The following CAMTA1 variants were observed in gnomAD, a reference collection of about 807,000 sequenced individuals.
The protein encoded by CAMTA1 is calmodulin-binding transcription activator 1.
Under a neutral mutation model 170.9 loss-of-function variants are expected in CAMTA1, and 27 were observed. The ratio of observed to expected loss-of-function variants is 0.16; its 90% CI spans 0.12 to 0.22. The LOEUF (loss-of-function observed/expected upper bound fraction) is 0.22. Ranked by LOEUF, CAMTA1 falls within the 10% of genes least tolerant of loss-of-function variation. CAMTA1 has a pLI of 1.00. For missense variants in CAMTA1, 1,619 were observed against 2,217.2 expected (o/e 0.73, Z 5.42); for synonymous variants, 833 against 891.5 (o/e 0.93, Z 1.17).
At chr1:7,761,150 T>C (rs976279326) in intron 22 of CAMTA1, among the ~76,000 whole-genome samples, 1 of 152,228 alleles carries the variant, frequency 6.6e-6, no homozygotes, top group African/African-American at 2.4e-5. Flanking sequence ...ATTCTCAGCC[T>C]AGAATGCTTG....
intron 5 of CAMTA1, among the ~76,000 whole-genome samples, chr1:7,356,619 C>A (rs1323102226): frequency 6.6e-6 from 1 of 152,172 alleles, no homozygotes; most frequent in Admixed American, 6.5e-5. Context: ...ACCTATGGAC[C>A]ATCAGCAGGC....
chr1:7,381,603 C>G (rs1308359004), intron 5 of CAMTA1, among the ~76,000 whole-genome samples: 2 of 151,108 alleles, frequency 1.3e-5, no homozygotes, highest in Non-Finnish European at 1.5e-5. Context: ...TGAATAGTGC[C>G]GCAATAAACA....
In CAMTA1 at chr1:7,737,317, G is replaced by C; in HGVS notation, c.3405G>C (p.Arg1135=). ...AAVVLYKWDR[R]AISIPDSLGR... ...TCGTGCTGTACAAGTGGGACCGTCGGGCCATCTCGATTCCCGACTCTCTAG... is the reference window on the plus strand; with the variant it reads ...TCGTGCTGTACAAGTGGGACCGTCGCGCCATCTCGATTCCCGACTCTCTAG... The change falls in exon 15 of 23, where the codon CGG becomes CGC. Residue 1135 remains arginine (R), a synonymous_variant. Coordinates refer to ENST00000303635, the MANE Select transcript of CAMTA1 (RefSeq NM_015215.4). 1 of 1,614,182 alleles carries C rather than the reference G, an allele frequency of 6.2e-7. No individual in the cohort carries two copies. The highest frequency in any genetic ancestry group is 8.5e-7 in the Non-Finnish European group (1 of 1,180,024).
intron 5 of CAMTA1, among the ~76,000 whole-genome samples, chr1:7,350,962 C>T (rs2084624348): frequency 6.6e-6 from 1 of 152,216 alleles, no homozygotes; most frequent in South Asian, 2.1e-4. Flanking sequence ...TCCAGGGCTT[C>T]CCGGTAGGGC....
chr1:6,844,557 G>A (rs1330855470), intron 3 of CAMTA1, among the ~76,000 whole-genome samples: 4 of 150,826 alleles, frequency 2.7e-5, no homozygotes, highest in Middle Eastern at 3.2e-3. Context: ...ATAGAGGTGC[G>A]TGCCTGTAGT....
chr1:7,468,033 A>T, intron 6 of CAMTA1, 132 bp downstream of exon 6: 1 of 738,214 alleles, frequency 1.4e-6, no homozygotes, highest in South Asian at 1.7e-5. Flanking sequence ...GCCTAGGGAG[A>T]CTTCGGCTGT....
At position 7,674,227 on chromosome 1, in the gene CAMTA1, C is replaced by G. The variant is rs533482621; in HGVS notation, c.2779+3190C>G. On this transcript the variant is annotated intron_variant, in intron 10 of 22. Transcript: ENST00000303635. The surrounding 1 kb of genome is among the most constrained non-coding windows in gnomAD (Gnocchi z 4.1). ...CAGGGTCCTGCCCTGGCAGCTCCCA[C>G]ACCGTCACAGGTGGCAGGAGACACG... Among the ~76,000 whole-genome samples, 1 of 152,342 alleles carries G rather than the reference C, an allele frequency of 6.6e-6. No homozygotes were observed. Among genetic ancestry groups the G allele is most frequent in the East Asian group, 1.9e-4 (1 of 5,164 alleles).
chr1:7,358,729 C>G lies in CAMTA1; in HGVS notation c.439-109101C>G, dbSNP rs533983213. Among the ~76,000 whole-genome samples, 5 of 152,254 alleles carry G rather than the reference C, an allele frequency of 3.3e-5. No homozygotes were observed. In the East Asian group the frequency reaches 9.6e-4, roughly 29 times the overall value. On this transcript the variant is annotated intron_variant, in intron 5 of 22. Coordinates refer to ENST00000303635, the MANE Select transcript of CAMTA1 (RefSeq NM_015215.4). ...GCCTTTTCTTGTGTGAGCCAGCCAC[C>G]CTCATGTGACTTGATAGGCACATGG...
chr1:6,912,156 G>C (rs912544780), intron 3 of CAMTA1, among the ~76,000 whole-genome samples: 1 of 152,174 alleles, frequency 6.6e-6, no homozygotes, highest in African/African-American at 2.4e-5. Flanking sequence ...CTTTACTTTT[G>C]CAGCTCAATT....
At chr1:7,059,064 G>T (rs549159524) in intron 3 of CAMTA1, among the ~76,000 whole-genome samples, 3 of 152,166 alleles carry the variant, frequency 2.0e-5, no homozygotes, top group African/African-American at 7.2e-5. Flanking sequence ...GCCACCATCC[G>T]GGTTCCTGGG....
chr1:7,075,457 A>G (rs1326336114), intron 3 of CAMTA1, among the ~76,000 whole-genome samples: 1 of 152,088 alleles, frequency 6.6e-6, no homozygotes, highest in East Asian at 1.9e-4. Context: ...TTCAGGACTC[A>G]CTGGTTACCA....
At chr1:7,677,497 C>A (rs2096134005) in intron 10 of CAMTA1, 102 bp from the exon 11 acceptor site, 3 of 1,300,036 alleles carry the variant, frequency 2.3e-6, no homozygotes, top group African/African-American at 1.5e-5. Flanking sequence ...GGACATTAAC[C>A]AATGAAGGGT....
intron 6 of CAMTA1, among the ~76,000 whole-genome samples, chr1:7,525,149 C>G (rs2094416388): frequency 6.6e-6 from 1 of 152,304 alleles, no homozygotes; most frequent in South Asian, 2.1e-4. Context: ...GCTGAGGCTC[C>G]AGGAGTTGCT....
intron 1 of CAMTA1, among the ~76,000 whole-genome samples, chr1:6,793,186 C>T (rs531024528): frequency 3.3e-5 from 5 of 152,148 alleles, no homozygotes; most frequent in South Asian, 2.1e-4. Context: ...GCAGTTCAGT[C>T]GCTAGTTTTG....
intron 3 of CAMTA1, among the ~76,000 whole-genome samples, chr1:7,033,014 G>A (rs1703015939): frequency 1.3e-5 from 2 of 152,118 alleles, no homozygotes; most frequent in African/African-American, 4.8e-5. Flanking sequence ...TAATCAAGAT[G>A]ATTATGATGT....
intron 1 of CAMTA1, among the ~76,000 whole-genome samples, chr1:6,791,990 C>T (rs538882669): frequency 6.7e-6 from 1 of 149,416 alleles, no homozygotes; most frequent in Non-Finnish European, 1.5e-5. Flanking sequence ...TTTTTTGAGG[C>T]TGAGTCTTGC....
At position 7,738,433 on chromosome 1, in the gene CAMTA1, G is replaced by A. The variant is rs142194570; in HGVS notation, c.4133G>A (p.Arg1378His). The A allele has an allele frequency of 5.5e-5, 88 of 1,614,164 alleles. No individual in the cohort carries two copies. Among genetic ancestry groups the A allele is most frequent in the African/African-American group, 5.2e-4 (39 of 75,054 alleles). The change falls in exon 16 of 23, where the codon CGT (arginine) becomes CAT (histidine). Residue 1378 changes from arginine to histidine, a missense_variant. This residue lies in a region of CAMTA1 where 370 missense variants were observed against 429.4 expected (regional missense o/e 0.86). Transcript: ENST00000303635. The surrounding 1 kb of genome is among the most constrained non-coding windows in gnomAD (Gnocchi z 4.9). ...GTGAATACAGAGCTGGGGTCCTACC[G>A]TGATAGTGCAGAAAATGAAGAATGC... Reference protein sequence around the residue: ...EVVNTELGSYRDSAENEECGQ... With the variant: ...EVVNTELGSYHDSAENEECGQ...
intron 17 of CAMTA1, 53 bp downstream of exon 17, chr1:7,745,075 G>T (rs1269141095): frequency 6.8e-7 from 1 of 1,474,550 alleles, no homozygotes; most frequent in African/African-American, 1.4e-5. Context: ...GATGTAATTG[G>T]AGGCAGGGGA....
chr1:7,577,622 T>C (rs2095212931), intron 6 of CAMTA1, among the ~76,000 whole-genome samples: 1 of 151,822 alleles, frequency 6.6e-6, no homozygotes, highest in African/African-American at 2.4e-5. Flanking sequence ...TGGTGTAAAA[T>C]GGGTTGATGT....
Sources: allele counts gnomAD v4.1 joint callset (sites outside exome capture counted in the v4.1 genomes callset), GRCh38; gene constraint gnomAD v4.1.1; regional missense constraint gnomAD v4.1.1; non-coding constraint Gnocchi (gnomAD v3.1); transcripts MANE v1.5; gene names NCBI Gene and HGNC (gene_info 2026-07-23, HGNC 2026-07-21).